Variants in IRF2BPL observed in about 807,000 individuals in gnomAD.
IRF2BPL encodes probable E3 ubiquitin-protein ligase IRF2BPL.
In IRF2BPL, 13 loss-of-function variants were observed where a neutral mutation model predicts 51.2. The observed-to-expected ratio is 0.25, with a 90% CI of 0.17 to 0.40. The LOEUF is 0.40. Among genes scored for constraint, IRF2BPL ranks in the 10% least tolerant of loss-of-function variants. IRF2BPL has a pLI of 1.00. For synonymous variants in IRF2BPL, 768 were observed against 509.2 expected, an observed-to-expected ratio of 1.51 and a Z score of -6.84; for missense variants, 1,210 against 1,111.8, an observed-to-expected ratio of 1.09 and a Z score of -1.26.
At position 77,026,801 on chromosome 14, in the gene IRF2BPL, C is replaced by T. The variant is rs1885139796; in HGVS notation, c.992G>A (p.Arg331Lys). The T allele has an allele frequency of 1.9e-6, 3 of 1,612,862 alleles. No individual in the cohort carries two copies. Among genetic ancestry groups the T allele is most frequent in the East Asian group, 2.2e-5 (1 of 44,872 alleles). The change falls in exon 1 of 1, where the codon AGG (arginine) becomes AAG (lysine). Residue 331 changes from arginine to lysine, a missense_variant. By Grantham distance (26) the Arg-to-Lys change is conservative (BLOSUM62 2). Coordinates refer to ENST00000238647, the MANE Select transcript of IRF2BPL (RefSeq NM_024496.4). ...AEVGVGAGGK[R>K]PGSVSSTDQE... ...GTCTGTGCTCGACACCGAGCCGGGC[C>T]TCTTACCACCAGCACCCACGCCCAC...
At position 77,025,682 on chromosome 14, in the gene IRF2BPL, T is replaced by C; in HGVS notation, c.2111A>G (p.Asp704Gly). 1 of 1,561,208 alleles carries C rather than the reference T, an allele frequency of 6.4e-7. No individual in the cohort carries two copies. The highest frequency in any genetic ancestry group is 8.7e-7 in the Non-Finnish European group (1 of 1,151,522). The change falls in exon 1 of 1, where the codon GAT (aspartate) becomes GGT (glycine). Residue 704 changes from aspartate (D) to glycine (G), a missense_variant. Transcript: ENST00000238647. ...MDQVHPQNIP[D>G]SPMANSGPLC... Reference sequence around the variant, plus strand: ...GGGTCCGCTGTTGGCCATGGGGGAATCCGGAATGTTTTGGGGGTGCACTTG... The same window carrying C: ...GGGTCCGCTGTTGGCCATGGGGGAACCCGGAATGTTTTGGGGGTGCACTTG...
In IRF2BPL at chr14:77,028,468, A is replaced by C. The variant is rs1362920560; in HGVS notation, c.-676T>G. ...GGCCACTGCTTCCAGGACGCACGAGAGCAGAGGAGAGGAGTGCACGCACGC... is the reference window on the plus strand; with the variant it reads ...GGCCACTGCTTCCAGGACGCACGAGCGCAGAGGAGAGGAGTGCACGCACGC... On this transcript the variant is annotated 5_prime_UTR_variant, in exon 1 of 1. Coordinates refer to ENST00000238647, the MANE Select transcript of IRF2BPL (RefSeq NM_024496.4). The C allele has an allele frequency of 6.7e-6, 2 of 298,008 alleles. No individual in the cohort carries two copies. The highest frequency in any genetic ancestry group is 1.2e-5 in the Non-Finnish European group (2 of 160,542). The allele number at this position is 298,008 out of a possible 1,614,324, so 18.5% of individuals were successfully genotyped here.
At position 77,025,762 on chromosome 14, in the gene IRF2BPL, C is replaced by A. The variant is rs141630319; in HGVS notation, c.2031G>T (p.Gly677=). Residue 677 remains glycine (G), a synonymous_variant, in exon 1 of 1, where the codon GGG becomes GGT. Coordinates refer to ENST00000238647, the MANE Select transcript of IRF2BPL (RefSeq NM_024496.4). ...GGGGCGCCACCTGTAAATTCAGGTC[C>A]CCGTTACGTGATGCCAAGCGGCGCT... ...PGQRRLASRN[G]DLNLQVAPPP... is the part of the protein sequence containing the mutation. 3.1e-6 allele frequency: 5 copies of A among 1,601,754 alleles called. No individual in the cohort carries two copies. The highest frequency in any genetic ancestry group is 1.7e-5 in the Admixed American group (1 of 58,888).
Position 77,025,494 on chromosome 14 carries a change from C to G in IRF2BPL, c.2299G>C (p.Val767Leu), listed in dbSNP as rs142468978. The part of the protein sequence containing the change: ...YCPSGEKCPL[V>L]GSNVPWAFMQ... ...AAGGCCCAAGGTACATTCGACCCGA[C>G]TAGGGGGCATTTCTCTCCGCTGGGG... The change falls in exon 1 of 1, where the codon GTC (valine) becomes CTC (leucine). Residue 767 changes from valine (V) to leucine (L), a missense_variant. By Grantham distance (32) the Val-to-Leu change is conservative. Coordinates refer to ENST00000238647, the MANE Select transcript of IRF2BPL (RefSeq NM_024496.4). 34 of 1,613,788 alleles carry G rather than the reference C, an allele frequency of 2.1e-5. 1 individual carries two copies. In the African/African-American group the frequency reaches 4.1e-4, roughly 20 times the overall value.
rs1885087321 is a variant in IRF2BPL, at chr14:77,025,582, T to C, written c.2211A>G (p.Lys737=). 6.2e-7 allele frequency: 1 copy of C among 1,608,382 alleles called. No individual in the cohort carries two copies. The highest frequency in any genetic ancestry group is 8.5e-7 in the Non-Finnish European group (1 of 1,177,342). ...FVQCPSVPSH[K]FCFPCSRESI... is the part of the protein sequence containing the mutation. ...TCTCTCTAGAGCAAGGGAAGCAAAA[T>C]TTGTGGCTGGGGACGGAAGGGCACT... Residue 737 remains lysine (K), a synonymous_variant, in exon 1 of 1, where the codon AAA becomes AAG. Transcript: ENST00000238647.
At position 77,025,798 on chromosome 14, in the gene IRF2BPL, G is replaced by C. The variant is rs1170259668; in HGVS notation, c.1995C>G (p.Ser665=). The change falls in exon 1 of 1, where the codon TCC becomes TCG. Residue 665 remains serine, a synonymous_variant. Transcript: ENST00000238647. ...RNSSSPVSPA[S]VPGQRRLASR... is the part of the protein sequence containing the mutation. ...ATGCCAAGCGGCGCTGCCCCGGCAC[G>C]GAGGCCGGCGAGACTGGGCTGCTGC... 5.0e-6 allele frequency: 8 copies of C among 1,611,448 alleles called. No homozygotes were observed. The highest frequency in any genetic ancestry group is 5.1e-6 in the Non-Finnish European group (6 of 1,179,228).
At position 77,026,225 on chromosome 14, in the gene IRF2BPL, C is replaced by T; in HGVS notation, c.1568G>A (p.Gly523Glu). Residue 523 changes from glycine to glutamate, a missense_variant, in exon 1 of 1, where the codon GGG (glycine) becomes GAG (glutamate). Gly to Glu is a moderately conservative substitution (Grantham distance 98, BLOSUM62 -2). Coordinates refer to ENST00000238647, the MANE Select transcript of IRF2BPL (RefSeq NM_024496.4). Reference sequence around the variant, plus strand: ...CGCGGCGGGCGGCAAGGCCCCGGTCCCCGGGGGTGCGCTGGGGGCGCGGCT... The same window carrying T: ...CGCGGCGGGCGGCAAGGCCCCGGTCTCCGGGGGTGCGCTGGGGGCGCGGCT... ...SLSRAPSAPPGTGALPPAAPS... is the reference protein window; with the variant it reads ...SLSRAPSAPPETGALPPAAPS... 2 of 1,417,988 alleles carry T rather than the reference C, an allele frequency of 1.4e-6. No individual in the cohort carries two copies. Among genetic ancestry groups the T allele is most frequent in the Non-Finnish European group, 1.8e-6 (2 of 1,092,926 alleles). 87.8% of individuals were successfully genotyped at this position (1,417,988 alleles called of 1,614,324 possible).
Position 77,027,935 on chromosome 14 carries a change from G to C in IRF2BPL, c.-143C>G. ...CGAGAAAGTTCTGCCCCAGGGGCTG[G>C]AGGGAACGCGAGTCTCCACCGCCGG... is the stretch of plus-strand genomic sequence containing the variant. On this transcript the variant is annotated 5_prime_UTR_variant, in exon 1 of 1. Coordinates refer to ENST00000238647, the MANE Select transcript of IRF2BPL (RefSeq NM_024496.4). The C allele has an allele frequency of 9.8e-7, 1 of 1,015,268 alleles. No individual in the cohort carries two copies. The highest frequency in any genetic ancestry group is 1.3e-6 in the Non-Finnish European group (1 of 746,978). The allele number at this position is 1,015,268 out of a possible 1,614,324, so 62.9% of individuals were successfully genotyped here.
rs763409191 is a variant in IRF2BPL, at chr14:77,027,375, G to T, written c.418C>A (p.Leu140Met). 4 of 1,496,106 alleles carry T rather than the reference G, an allele frequency of 2.7e-6. No homozygotes were observed. Among genetic ancestry groups the T allele is most frequent in the Non-Finnish European group, 3.6e-6 (4 of 1,125,196 alleles). The allele number at this position is 1,496,106 out of a possible 1,614,324, so 92.7% of individuals were successfully genotyped here. ...HVDGSSKPAV[L>M]AAPSGLERYG... is the part of the protein sequence containing the mutation. ...CGCTCCAGGCCAGACGGGGCCGCCA[G>T]CACCGCAGGCTTGCTGGAACCATCA... The change falls in exon 1 of 1, where the codon CTG becomes ATG. Residue 140 changes from leucine (L) to methionine (M), a missense_variant. By Grantham distance (15) the Leu-to-Met change is conservative. Coordinates refer to ENST00000238647, the MANE Select transcript of IRF2BPL (RefSeq NM_024496.4).
chr14:77,028,266 G>A lies in IRF2BPL; in HGVS notation c.-474C>T, dbSNP rs1885227441. 1 of 238,164 alleles carries A rather than the reference G, an allele frequency of 4.2e-6. No homozygotes were observed. The highest frequency in any genetic ancestry group is 8.7e-6 in the Non-Finnish European group (1 of 115,588). The allele number at this position is 238,164 out of a possible 1,614,324, so 14.8% of individuals were successfully genotyped here. Reference sequence around the variant, plus strand: ...GCGTCCTCTCCCCGACGGGCCCCCTGGGGCGAGGGCCAGAGGGTTCAGTGC... The same window carrying A: ...GCGTCCTCTCCCCGACGGGCCCCCTAGGGCGAGGGCCAGAGGGTTCAGTGC... On this transcript the variant is annotated 5_prime_UTR_variant, in exon 1 of 1. Coordinates refer to ENST00000238647, the MANE Select transcript of IRF2BPL (RefSeq NM_024496.4).
chr14:77,027,399 C>T lies in IRF2BPL; in HGVS notation c.394G>A (p.Asp132Asn). 6 of 1,481,478 alleles carry T rather than the reference C, an allele frequency of 4.1e-6. No individual in the cohort carries two copies. Among genetic ancestry groups the T allele is most frequent in the Non-Finnish European group, 5.4e-6 (6 of 1,117,554 alleles). 91.8% of individuals were successfully genotyped at this position (1,481,478 alleles called of 1,614,324 possible). ...QQQQQQLNHV[D>N]GSSKPAVLAA... Reference sequence around the variant, plus strand: ...AGCACCGCAGGCTTGCTGGAACCATCAACGTGGTTGAGCTGTTGTTGCTGC... The same window carrying T: ...AGCACCGCAGGCTTGCTGGAACCATTAACGTGGTTGAGCTGTTGTTGCTGC... The change falls in exon 1 of 1, where the codon GAT becomes AAT. Residue 132 changes from aspartate (D) to asparagine (N), a missense_variant. Transcript: ENST00000238647.
chr14:77,025,408 G>C lies in IRF2BPL; in HGVS notation c.2385C>G (p.Asp795Glu). The C allele has an allele frequency of 6.4e-7, 1 of 1,554,522 alleles. No individual in the cohort carries two copies. The highest frequency in any genetic ancestry group is 8.7e-7 in the Non-Finnish European group (1 of 1,147,792). The change falls in exon 1 of 1, where the codon GAC becomes GAG. Residue 795 changes from aspartate (D) to glutamate (E), a missense_variant. Transcript: ENST00000238647. ...AGDVKVKKER[D>E]P is the part of the protein sequence containing the mutation. Reference sequence around the variant, plus strand: ...GAGGTGGCTGCCCAGTGGTTCAAGGGTCTCTCTCCTTTTTCACTTTAACAT... The same window carrying C: ...GAGGTGGCTGCCCAGTGGTTCAAGGCTCTCTCTCCTTTTTCACTTTAACAT...
Position 77,025,849 on chromosome 14 carries a change from A to C in IRF2BPL, c.1944T>G (p.Ser648=), listed in dbSNP as rs551085916. 6.2e-7 allele frequency: 1 copy of C among 1,612,660 alleles called. No homozygotes were observed. Residue 648 remains serine, a synonymous_variant, in exon 1 of 1, where the codon TCT becomes TCG. Coordinates refer to ENST00000238647, the MANE Select transcript of IRF2BPL (RefSeq NM_024496.4). ...TGTTTCGCCGCGCCGACGCAGTGGT[A>C]GAGTGCACGGAACTGCCATCCTTGG... is the stretch of plus-strand genomic sequence containing the variant. ...HSPKDGSSVH[S]TTASARRNSS...
At position 77,026,620 on chromosome 14, in the gene IRF2BPL, G is replaced by A. The variant is rs764780408; in HGVS notation, c.1173C>T (p.Arg391=). Residue 391 remains arginine (R), a synonymous_variant, in exon 1 of 1, where the codon CGC becomes CGT. Coordinates refer to ENST00000238647, the MANE Select transcript of IRF2BPL (RefSeq NM_024496.4). ...TLAGCTPYEV[R]FKKDHSLLGR... The stretch of plus-strand genomic sequence containing the variant: ...CCAGCAGCGAGTGGTCCTTCTTGAA[G>A]CGAACCTCGTAGGGCGTGCAGCCTG... 16 of 1,613,690 alleles carry A rather than the reference G, an allele frequency of 9.9e-6. No individual in the cohort carries two copies. Among genetic ancestry groups the A allele is most frequent in the African/African-American group, 1.3e-5 (1 of 74,940 alleles).
At position 77,025,507 on chromosome 14, in the gene IRF2BPL, C is replaced by A; in HGVS notation, c.2286G>T (p.Glu762Asp). 3 of 1,613,986 alleles carry A rather than the reference C, an allele frequency of 1.9e-6. 1 individual carries two copies. The South Asian group carries it at 3.3e-5, about 18-fold the overall frequency. ...ATGEVYCPSG[E>D]KCPLVGSNVP... is the part of the protein sequence containing the mutation. The stretch of plus-strand genomic sequence containing the variant: ...CATTCGACCCGACTAGGGGGCATTT[C>A]TCTCCGCTGGGGCAATACACCTCGC... Residue 762 changes from glutamate to aspartate, a missense_variant, in exon 1 of 1, where the codon GAG becomes GAT. Transcript: ENST00000238647.
In IRF2BPL at chr14:77,025,608, G is replaced by T; in HGVS notation, c.2185C>A (p.Gln729Lys). The T allele has an allele frequency of 6.3e-7, 1 of 1,597,398 alleles. No individual in the cohort carries two copies. Among genetic ancestry groups the T allele is most frequent in the Non-Finnish European group, 8.5e-7 (1 of 1,170,334 alleles). The change falls in exon 1 of 1, where the codon CAG (glutamine) becomes AAG (lysine). Residue 729 changes from glutamine (Q) to lysine (K), a missense_variant. By Grantham distance (53) the Gln-to-Lys change is moderately conservative. Transcript: ENST00000238647. Reference sequence around the variant, plus strand: ...TTGTGGCTGGGGACGGAAGGGCACTGAACGAAATGCGTATCCTCCAAACGT... The same window carrying T: ...TTGTGGCTGGGGACGGAAGGGCACTTAACGAAATGCGTATCCTCCAAACGT... ...HERLEDTHFV[Q>K]CPSVPSHKFC...
Position 77,024,553 on chromosome 14 carries a change from T to C in IRF2BPL, c.*849A>G, listed in dbSNP as rs1169791440. The C allele has an allele frequency of 6.6e-6, 1 of 152,540 alleles. No homozygotes were observed. 9.4% of individuals were successfully genotyped at this position (152,540 alleles called of 1,614,324 possible). On this transcript the variant is annotated 3_prime_UTR_variant, in exon 1 of 1. Coordinates refer to ENST00000238647, the MANE Select transcript of IRF2BPL (RefSeq NM_024496.4). ...GCTGACTCAGCGCAGTTAATATCAA[T>C]TGAATTTATTACAAGTTACTAAGCT...
chr14:77,026,236 G>A lies in IRF2BPL; in HGVS notation c.1557C>T (p.Ser519=). ...TALVSLSRAP[S]APPGTGALPP... ...GCAAGGCCCCGGTCCCCGGGGGTGC[G>A]CTGGGGGCGCGGCTCAGACTCACCA... The change falls in exon 1 of 1, where the codon AGC becomes AGT. Residue 519 remains serine, a synonymous_variant. Coordinates refer to ENST00000238647, the MANE Select transcript of IRF2BPL (RefSeq NM_024496.4). The A allele has an allele frequency of 1.4e-6, 2 of 1,427,308 alleles. No individual in the cohort carries two copies. The highest frequency in any genetic ancestry group is 9.1e-7 in the Non-Finnish European group (1 of 1,095,908). The allele number at this position is 1,427,308 out of a possible 1,614,324, so 88.4% of individuals were successfully genotyped here. A position where few individuals can be genotyped will look rare whatever the true frequency, so the allele number is the denominator to read the frequency against.
rs372595214 is a variant in IRF2BPL at position 77,026,893 on chromosome 14, C to A, written c.900G>T (p.Gly300=). ...ACGTGGCCGATACACCCGGGGTACC[C>A]CCGAGACAAGCGGGGCCCCCAGGAG... The part of the protein sequence containing the change: ...PGAPGGPACL[G]GTPGVSATSS... The change falls in exon 1 of 1, where the codon GGG becomes GGT. Residue 300 remains glycine, a synonymous_variant. Transcript: ENST00000238647. The A allele has an allele frequency of 1.3e-6, 2 of 1,534,136 alleles. No homozygotes were observed. The highest frequency in any genetic ancestry group is 2.2e-5 in the Admixed American group (1 of 46,070).
Sources: gnomAD v4.1 joint callset for allele counts on GRCh38, gnomAD v4.1.1 for gene constraint, MANE v1.5 for transcripts, NCBI Gene and HGNC (gene_info 2026-07-23, HGNC 2026-07-21) for gene names.